Variants in NDST3 observed in about 807,000 individuals in gnomAD.
NDST3 encodes bifunctional heparan sulfate N-deacetylase/N-sulfotransferase 3.
In NDST3, 58 loss-of-function variants were observed where a neutral mutation model predicts 96.1. The observed-to-expected ratio is 0.60, with a 90% CI of 0.49 to 0.75. The LOEUF is 0.75. Ranked by LOEUF, NDST3 falls within the 30% of genes least tolerant of loss-of-function variation. The pLI is 0.00. For synonymous variants in NDST3, 333 were observed against 359.7 expected (o/e 0.93, Z 0.84); for missense variants, 788 against 1,034.2 (o/e 0.76, Z 3.27).
At chr4:118,161,143 CCT>C (rs1735090523) in intron 6 of NDST3, among the ~76,000 whole-genome samples, 1 of 152,200 alleles carries the variant, frequency 6.6e-6, no homozygotes. Context: ...CACTCCAGAC[CCT>C]GTTTGCCTGC....
chr4:118,077,474 G>C (rs1385157879), intron 2 of NDST3, among the ~76,000 whole-genome samples: 8 of 152,202 alleles, frequency 5.3e-5, no homozygotes, highest in Admixed American at 5.2e-4. Context: ...TGGTAGCAGG[G>C]GAGAGAGATG....
chr4:118,098,450 C>T (rs1327888407), intron 2 of NDST3, among the ~76,000 whole-genome samples: 1 of 151,962 alleles, frequency 6.6e-6, no homozygotes, highest in African/African-American at 2.4e-5. Context: ...ATATGCATAA[C>T]AATTTCAAGT....
chr4:118,126,537 C>CATATATAT (rs956364801), intron 4 of NDST3, among the ~76,000 whole-genome samples: 5 of 20,332 alleles, frequency 2.5e-4, no homozygotes, highest in African/African-American at 3.7e-4. Context: ...TATATATACA[C>CATATATAT]ATATATATAT....
intron 8 of NDST3, among the ~76,000 whole-genome samples, chr4:118,229,780 A>T (rs1196460443): frequency 6.6e-6 from 1 of 152,206 alleles, no homozygotes; most frequent in African/African-American, 2.4e-5. Context: ...TTCCAAAAAG[A>T]TATTTTTAAC....
At chr4:118,168,608 A>G (rs1283469774) in intron 6 of NDST3, among the ~76,000 whole-genome samples, 1 of 152,138 alleles carries the variant, frequency 6.6e-6, no homozygotes, top group East Asian at 1.9e-4. Context: ...ATGATTCAAC[A>G]ATTTGACTTC....
chr4:118,242,002 T>C (rs1180739198), intron 11 of NDST3, 38 bp from the exon 12 acceptor site: 4 of 1,429,388 alleles, frequency 2.8e-6, no homozygotes, highest in Admixed American at 1.7e-5. Context: ...AGTTTACATG[T>C]CTTTTTTCAA....
upstream of NDST3, among the ~76,000 whole-genome samples, chr4:118,033,401 A>G (rs956053393): frequency 2.6e-5 from 4 of 151,772 alleles, no homozygotes; most frequent in Non-Finnish European, 2.9e-5. Flanking sequence ...GCCGCCGCCA[A>G]CCCGCCGGGA....
intron 7 of NDST3, among the ~76,000 whole-genome samples, chr4:118,226,426 T>G (rs1430259622): frequency 6.6e-6 from 1 of 152,210 alleles, no homozygotes; most frequent in Non-Finnish European, 1.5e-5. Flanking sequence ...TCTCTTTAGA[T>G]AGTAGTATTT....
intron 6 of NDST3, among the ~76,000 whole-genome samples, chr4:118,221,498 G>C (rs904571438): frequency 6.6e-6 from 1 of 151,920 alleles, no homozygotes; most frequent in African/African-American, 2.4e-5. Context: ...AACAGCGTTT[G>C]CACCAGGACC....
At chr4:118,144,449 G>C (rs1029053454) in intron 6 of NDST3, among the ~76,000 whole-genome samples, 3 of 152,084 alleles carry the variant, frequency 2.0e-5, no homozygotes, top group Admixed American at 2.0e-4. Flanking sequence ...CAAAGTGCTG[G>C]GATTACAGGC....
intron 4 of NDST3, among the ~76,000 whole-genome samples, chr4:118,122,303 C>T (rs797015703): frequency 3.9e-5 from 6 of 152,092 alleles, no homozygotes; most frequent in Non-Finnish European, 7.4e-5. Context: ...TTTCCTTTTA[C>T]GCCTTTCATT....
Position 118,204,639 on chromosome 4 carries a change from C to A in NDST3, c.1540-19852C>A, listed in dbSNP as rs915141314. ...TACTGTTCACTATGTACAGAGAAAT[C>A]TTTATGCCAAACTTAAAGTATGTAA... On this transcript the variant is annotated intron_variant, in intron 6 of 13. Transcript: ENST00000296499. Among the ~76,000 whole-genome samples, 9 of 144,416 alleles carry A rather than the reference C, an allele frequency of 6.2e-5. 1 individual carries two copies. The highest frequency in any genetic ancestry group is 2.3e-4 in the African/African-American group (9 of 39,088). The allele number at this position is 144,416 out of a possible 152,430, so 94.7% of individuals were successfully genotyped here.
At chr4:118,058,325 C>T (rs1158091981) in intron 2 of NDST3, among the ~76,000 whole-genome samples, 1 of 150,736 alleles carries the variant, frequency 6.6e-6, no homozygotes, top group Non-Finnish European at 1.5e-5. Context: ...ATCAGCTTTA[C>T]CCACCTAGAT....
intron 2 of NDST3, among the ~76,000 whole-genome samples, chr4:118,085,780 G>A (rs1728372461): frequency 6.6e-6 from 1 of 152,020 alleles, no homozygotes; most frequent in Non-Finnish European, 1.5e-5. Context: ...ACATAACATG[G>A]TCTCATGAGA....
chr4:118,148,523 A>G (rs987534918), intron 6 of NDST3, among the ~76,000 whole-genome samples: 1 of 152,208 alleles, frequency 6.6e-6, no homozygotes, highest in Non-Finnish European at 1.5e-5. Flanking sequence ...TCAAATCCCT[A>G]AAAGTTAAAT....
intron 12 of NDST3, among the ~76,000 whole-genome samples, chr4:118,251,690 G>A (rs1399394263): frequency 6.6e-6 from 1 of 152,152 alleles, no homozygotes; most frequent in Non-Finnish European, 1.5e-5. Flanking sequence ...CTTCATTACT[G>A]TAGAATTAGA....
chr4:118,037,468 C>G (rs993952165), intron 1 of NDST3, among the ~76,000 whole-genome samples: 2 of 152,162 alleles, frequency 1.3e-5, no homozygotes, highest in African/African-American at 4.8e-5. Flanking sequence ...AGTGCTGAAG[C>G]TGGTATGCAG....
At chr4:118,248,743 G>A (rs1233434969) in intron 12 of NDST3, among the ~76,000 whole-genome samples, 1 of 152,218 alleles carries the variant, frequency 6.6e-6, no homozygotes, top group Non-Finnish European at 1.5e-5. Flanking sequence ...AGACTTCAGA[G>A]AAACACTGCT....
At chr4:118,161,335 G>A (rs1043723141) in intron 6 of NDST3, among the ~76,000 whole-genome samples, 21 of 152,340 alleles carry the variant, frequency 1.4e-4, no homozygotes, top group African/African-American at 5.0e-4. Context: ...GGACCCACTT[G>A]AGGAGGCAGT....
Sources: allele counts gnomAD v4.1 joint callset (sites outside exome capture counted in the v4.1 genomes callset), GRCh38; gene constraint gnomAD v4.1.1; transcripts MANE v1.5; gene names NCBI Gene and HGNC (gene_info 2026-07-23, HGNC 2026-07-21).